The following SDK2 variants were observed in gnomAD, a reference collection of about 807,000 sequenced individuals.
SDK2 encodes the protein protein sidekick-2.
SDK2 carries 105 observed loss-of-function variants against 253.9 expected under a neutral mutation model. That is an observed-to-expected ratio of 0.41 (90% CI 0.35 to 0.49). SDK2 has a LOEUF of 0.49. Among genes scored for constraint, SDK2 ranks in the 20% least tolerant of loss-of-function variants. The pLI, the probability that SDK2 is intolerant of heterozygous loss-of-function variation, is 0.06. For missense variants in SDK2, 2,608 were observed against 3,003.0 expected, an observed-to-expected ratio of 0.87 and a Z score of 3.07; for synonymous variants, 1,249 against 1,234.9, an observed-to-expected ratio of 1.01 and a Z score of -0.24.
At chr17:73,546,969 C>T (rs566301477) in intron 1 of SDK2, among the ~76,000 whole-genome samples, 1 of 152,330 alleles carries the variant, frequency 6.6e-6, no homozygotes, top group African/African-American at 2.4e-5. Context: ...TTGTGCTGTC[C>T]TGCCGTGACA....
chr17:73,587,043 C>G (rs1353678428), intron 1 of SDK2, among the ~76,000 whole-genome samples: 1 of 152,148 alleles, frequency 6.6e-6, no homozygotes, highest in Non-Finnish European at 1.5e-5. Context: ...GTAAAGGGCT[C>G]GGTATGGTGC....
Position 73,444,375 on chromosome 17 carries a change from A to T in SDK2, c.613+3240T>A, listed in dbSNP as rs2063436891. Among the ~76,000 whole-genome samples, 3 of 152,190 alleles carry T rather than the reference A, an allele frequency of 2.0e-5. No homozygotes were observed. In the South Asian group the frequency reaches 6.2e-4, roughly 31 times the overall value. The stretch of plus-strand genomic sequence containing the variant: ...CCCAGCACAAGTGGGTTATTGGGGT[A>T]AATGGGGCTCCAAAGGCCAGACCAT... On this transcript the variant is annotated intron_variant, in intron 5 of 44. Transcript: ENST00000392650.
intron 40 of SDK2, among the ~76,000 whole-genome samples, chr17:73,354,506 C>A (rs1414290224): frequency 6.6e-6 from 1 of 152,140 alleles, no homozygotes; most frequent in African/African-American, 2.4e-5. Flanking sequence ...GTCAGCCTGG[C>A]CCTGAGAGAG....
Position 73,395,761 on chromosome 17 carries a change from G to A in SDK2, c.3355-369C>T, listed in dbSNP as rs527335559. On this transcript the variant is annotated intron_variant, in intron 24 of 44. Coordinates refer to ENST00000392650, the MANE Select transcript of SDK2 (RefSeq NM_001144952.2). This position sits in a 1 kb window ranked among gnomAD's most constrained non-coding sequence, Gnocchi z 4.3. ...CTTACCTCTGTCACTCAGGCTGCCA[G>A]CACACACTTAATTGCCTACCGCACC... Among the ~76,000 whole-genome samples the A allele has an allele frequency of 6.6e-6, 1 of 152,304 alleles. No individual in the cohort carries two copies. The highest frequency in any genetic ancestry group is 1.9e-4 in the East Asian group (1 of 5,194).
intron 1 of SDK2, among the ~76,000 whole-genome samples, chr17:73,530,632 G>T (rs1194043014): frequency 6.6e-6 from 1 of 152,172 alleles, no homozygotes; most frequent in East Asian, 1.9e-4. Flanking sequence ...TTGTACTGCT[G>T]GTTGGGTGGG....
intron 4 of SDK2, among the ~76,000 whole-genome samples, chr17:73,448,512 G>C (rs544256019): frequency 1.1e-4 from 17 of 151,436 alleles, no homozygotes; most frequent in Admixed American, 2.6e-4. Context: ...CTACAGGTGC[G>C]CGCCACTACC....
intron 2 of SDK2, among the ~76,000 whole-genome samples, chr17:73,493,644 G>A (rs2063822562): frequency 6.6e-6 from 1 of 152,198 alleles, no homozygotes; most frequent in African/African-American, 2.4e-5. Context: ...AAAATGGGAG[G>A]CATTAAGTGT....
At chr17:73,628,052 AAAAAC>A (rs542614850) in intron 1 of SDK2, among the ~76,000 whole-genome samples, 57 of 152,304 alleles carry the variant, frequency 3.7e-4, no homozygotes, top group African/African-American at 1.3e-3. Context: ...ACTCCGTCTC[AAAAAC>A]AAAACAAAAC....
At chr17:73,410,129 C>T (rs1018011502) in intron 18 of SDK2, among the ~76,000 whole-genome samples, 1 of 152,140 alleles carries the variant, frequency 6.6e-6, no homozygotes, top group African/African-American at 2.4e-5. Context: ...GTTGCGATTC[C>T]AGGCGTGAGC....
intron 2 of SDK2, among the ~76,000 whole-genome samples, chr17:73,475,254 C>T (rs189910705): frequency 5.7e-4 from 87 of 152,312 alleles, no homozygotes; most frequent in African/African-American, 1.9e-3. Context: ...CAGGTTCAAG[C>T]AATTCTCCTG....
chr17:73,422,346 C>G lies in SDK2; in HGVS notation c.1986G>C (p.Gln662His). The G allele has an allele frequency of 6.2e-7, 1 of 1,614,014 alleles. No individual in the cohort carries two copies. The highest frequency in any genetic ancestry group is 8.5e-7 in the Non-Finnish European group (1 of 1,179,888). Residue 662 changes from glutamine to histidine, a missense_variant, in exon 15 of 45, where the codon CAG becomes CAC. Coordinates refer to ENST00000392650, the MANE Select transcript of SDK2 (RefSeq NM_001144952.2). ...CGTCGTTGACGGCACAAAGACGGAACTGGTAGGAGCGTGCAGGAACCAGGC... is the reference window on the plus strand; with the variant it reads ...CGTCGTTGACGGCACAAAGACGGAAGTGGTAGGAGCGTGCAGGAACCAGGC... ...VKGLVPARSY[Q>H]FRLCAVNDVG...
intron 8 of SDK2, 96 bp downstream of exon 8, chr17:73,437,643 C>T (rs973003666): frequency 4.2e-5 from 46 of 1,097,818 alleles, no homozygotes; most frequent in East Asian, 7.0e-5. Flanking sequence ...GACATGGTCT[C>T]GAGAAGAAGC....
intron 40 of SDK2, among the ~76,000 whole-genome samples, chr17:73,356,286 C>T (rs528359708): frequency 9.6e-4 from 146 of 152,306 alleles, no homozygotes; most frequent in African/African-American, 3.5e-3. Context: ...CTGTTTAACC[C>T]CCCTTGTTCC....
chr17:73,414,872 C>T (rs2063167774), intron 17 of SDK2, 113 bp from the exon 18 acceptor site: 1 of 654,420 alleles, frequency 1.5e-6, no homozygotes. Flanking sequence ...TTGCACCCCC[C>T]TACCCCACCC....
At chr17:73,454,517 C>T (rs540266680) in intron 4 of SDK2, among the ~76,000 whole-genome samples, 2 of 152,198 alleles carry the variant, frequency 1.3e-5, no homozygotes, top group African/African-American at 4.8e-5. Flanking sequence ...GAGGGTCATT[C>T]ATTCAACAAC....
chr17:73,343,043 CCACT>C (rs1257408507), intron 44 of SDK2, among the ~76,000 whole-genome samples: 2 of 152,158 alleles, frequency 1.3e-5, no homozygotes, highest in Non-Finnish European at 2.9e-5. Context: ...GATACCCCAC[CCACT>C]AACCCCCGAC....
intron 6 of SDK2, among the ~76,000 whole-genome samples, chr17:73,438,929 C>A (rs1269538768): frequency 6.6e-6 from 1 of 152,170 alleles, no homozygotes; most frequent in African/African-American, 2.4e-5. Flanking sequence ...TGAGGTGACG[C>A]TGGGCAGTTT....
intron 1 of SDK2, among the ~76,000 whole-genome samples, chr17:73,564,185 A>G (rs991855602): frequency 6.6e-6 from 1 of 152,248 alleles, no homozygotes; most frequent in Non-Finnish European, 1.5e-5. Flanking sequence ...ACGGTAACCA[A>G]TAGCCACATA....
intron 15 of SDK2, among the ~76,000 whole-genome samples, chr17:73,420,673 CCTTTTT>C (rs1266469525): frequency 1.3e-5 from 2 of 150,768 alleles, no homozygotes; most frequent in East Asian, 2.0e-4. Flanking sequence ...GGTGATTTGG[CCTTTTT>C]CTTTTTTGTT....
Sources: allele counts gnomAD v4.1 joint callset (sites outside exome capture counted in the v4.1 genomes callset), GRCh38; gene constraint gnomAD v4.1.1; non-coding constraint Gnocchi (gnomAD v3.1); transcripts MANE v1.5; gene names NCBI Gene and HGNC (gene_info 2026-07-23, HGNC 2026-07-21).